The following ATP9A variants were observed in gnomAD, a reference collection of about 807,000 sequenced individuals.
The protein encoded by ATP9A is probable phospholipid-transporting ATPase IIA.
In ATP9A, 52 loss-of-function variants were observed where a neutral mutation model predicts 144.1. The observed-to-expected ratio is 0.36, with a 90% confidence interval of 0.29 to 0.45. The LOEUF (loss-of-function observed/expected upper bound fraction) is 0.45. ATP9A is among the 20% of genes least tolerant of loss of function. The pLI is 1.00. For missense variants in ATP9A, 947 were observed against 1,392.7 expected, an observed-to-expected ratio of 0.68 and a Z score of 5.09; for synonymous variants, 582 against 557.4, an observed-to-expected ratio of 1.04 and a Z score of -0.62.
intron 22 of ATP9A, among the ~76,000 whole-genome samples, chr20:51,616,807 T>A (rs2077204810): frequency 6.6e-6 from 1 of 152,106 alleles, no homozygotes; most frequent in South Asian, 2.1e-4. Flanking sequence ...TGGTGAGAAG[T>A]GAACTAAGCC....
intron 9 of ATP9A, 44 bp from the exon 10 acceptor site, chr20:51,676,252 A>C: frequency 6.9e-7 from 1 of 1,459,078 alleles, no homozygotes; most frequent in Non-Finnish European, 9.4e-7. Flanking sequence ...AGAAATATTA[A>C]TACAGACAGG....
rs753046160 is a variant in ATP9A, at chr20:51,596,758, T to C, written c.*4453A>G. On this transcript the variant is annotated 3_prime_UTR_variant, in exon 28 of 28. Coordinates refer to ENST00000338821, the MANE Select transcript of ATP9A (RefSeq NM_006045.3). The stretch of plus-strand genomic sequence containing the variant: ...CCAGAATTCATGTTTCTGTACAAAT[T>C]AAAATAATCCCCCAAGGCAGAACGT... The C allele has an allele frequency of 6.6e-6, 1 of 152,124 alleles. No homozygotes were observed. The highest frequency in any genetic ancestry group is 1.5e-5 in the Non-Finnish European group (1 of 68,022). 9.4% of individuals were successfully genotyped at this position (152,124 alleles called of 1,614,324 possible).
intron 13 of ATP9A, among the ~76,000 whole-genome samples, chr20:51,658,899 G>GGGGGGGGGGGT (rs2077399970): frequency 7.6e-6 from 1 of 132,116 alleles, no homozygotes; most frequent in African/African-American, 3.0e-5. Context: ...GGGGGGGGGG[G>GGGGGGGGGGGT]GGGGAAGGCT....
At chr20:51,737,365 A>G (rs909989196) in intron 1 of ATP9A, among the ~76,000 whole-genome samples, 3 of 152,190 alleles carry the variant, frequency 2.0e-5, no homozygotes, top group African/African-American at 7.2e-5. Context: ...CAGTGCCAAC[A>G]TCACCCTTGA....
At chr20:51,661,643 T>A (rs1336666805) in intron 13 of ATP9A, among the ~76,000 whole-genome samples, 6 of 151,120 alleles carry the variant, frequency 4.0e-5, no homozygotes, top group African/African-American at 1.5e-4. Context: ...AGTGCTGGGA[T>A]TATAGGTGTG....
At chr20:51,605,041 T>TA (rs1473711201) in intron 26 of ATP9A, 21 bp from the exon 27 acceptor site, 17 of 1,574,906 alleles carry the variant, frequency 1.1e-5, no homozygotes, top group Non-Finnish European at 1.5e-5. Flanking sequence ...CAGAGAAGGG[T>TA]ATTCCCCTCA....
chr20:51,693,268 C>T (rs2077556048), intron 7 of ATP9A, among the ~76,000 whole-genome samples: 2 of 152,194 alleles, frequency 1.3e-5, no homozygotes, highest in Admixed American at 6.5e-5. Context: ...AGCAAAAGCT[C>T]AGTGGAGTGC....
chr20:51,685,008 C>A, intron 9 of ATP9A, among the ~76,000 whole-genome samples: 1 of 116,866 alleles, frequency 8.6e-6, no homozygotes, highest in African/African-American at 3.4e-5. Flanking sequence ...GAGACTCCAT[C>A]TCCAAAAATA....
intron 1 of ATP9A, among the ~76,000 whole-genome samples, chr20:51,752,991 A>C (rs928000917): frequency 6.6e-6 from 1 of 152,130 alleles, no homozygotes; most frequent in Non-Finnish European, 1.5e-5. Context: ...AATCCCAGCT[A>C]CTTGGGAGGC....
At chr20:51,735,989 A>G (rs1053349812) in intron 1 of ATP9A, among the ~76,000 whole-genome samples, 6 of 152,198 alleles carry the variant, frequency 3.9e-5, no homozygotes, top group African/African-American at 1.4e-4. Flanking sequence ...TCCAAAGAAA[A>G]TAAGGCCAGG....
At chr20:51,748,429 T>C (rs1015409879) in intron 1 of ATP9A, among the ~76,000 whole-genome samples, 4 of 152,220 alleles carry the variant, frequency 2.6e-5, no homozygotes, top group Non-Finnish European at 5.9e-5. Context: ...GTCCAGTTCC[T>C]ACACAAGCCT....
chr20:51,761,950 G>T (rs550250638), intron 1 of ATP9A, among the ~76,000 whole-genome samples: 1 of 152,034 alleles, frequency 6.6e-6, no homozygotes, highest in African/African-American at 2.4e-5. Flanking sequence ...AGAGTCCCCC[G>T]CATTCCTTGG....
chr20:51,709,082 CTG>C (rs2077626565), intron 4 of ATP9A, among the ~76,000 whole-genome samples: 1 of 152,136 alleles, frequency 6.6e-6, no homozygotes, highest in Non-Finnish European at 1.5e-5. Flanking sequence ...TTGTACATAA[CTG>C]TGTTATATAA....
chr20:51,603,551 G>A (rs1208684231), intron 27 of ATP9A, among the ~76,000 whole-genome samples: 1 of 152,190 alleles, frequency 6.6e-6, no homozygotes, highest in African/African-American at 2.4e-5. Context: ...GCAGGGACTT[G>A]TGGCTCAATC....
intron 14 of ATP9A, among the ~76,000 whole-genome samples, chr20:51,642,178 G>A (rs1439403439): frequency 6.6e-6 from 1 of 151,662 alleles, no homozygotes; most frequent in Admixed American, 6.6e-5. Context: ...TTTTCGTGAT[G>A]GAGTCTCACT....
intron 1 of ATP9A, among the ~76,000 whole-genome samples, chr20:51,732,903 C>A (rs139724345): frequency 2.6e-5 from 4 of 151,858 alleles, no homozygotes; most frequent in Admixed American, 6.6e-5. Context: ...TTTGCAGAAA[C>A]CTTACTGGAT....
chr20:51,724,066 G>A (rs1286173527), intron 3 of ATP9A, among the ~76,000 whole-genome samples: 12 of 151,966 alleles, frequency 7.9e-5, no homozygotes, highest in Non-Finnish European at 1.8e-4. Context: ...AGCTACTCGG[G>A]AGGCTGAGGC....
intron 13 of ATP9A, among the ~76,000 whole-genome samples, chr20:51,668,147 GTAA>G (rs1479029567): frequency 9.7e-5 from 4 of 41,376 alleles, no homozygotes; most frequent in Admixed American, 6.1e-4. Flanking sequence ...GGGAGGGAGG[GTAA>G]GGAAAGGAAG....
rs538528653 is a variant in ATP9A, at chr20:51,748,001, T to C, written c.69-18023A>G. Among the ~76,000 whole-genome samples the C allele has an allele frequency of 7.9e-5, 12 of 152,278 alleles. No homozygotes were observed. The South Asian group carries it at 2.3e-3, about 29-fold the overall frequency. On this transcript the variant is annotated intron_variant, in intron 1 of 27. Transcript: ENST00000338821. ...GACATCCTCCTGCAAGCCTGTCCCT[T>C]TGTCTTCTATCTATCCTTCCAAACC...
Sources: gnomAD v4.1 joint callset for allele counts (sites outside exome capture counted in the v4.1 genomes callset) on GRCh38, gnomAD v4.1.1 for gene constraint, MANE v1.5 for transcripts, NCBI Gene and HGNC (gene_info 2026-07-23, HGNC 2026-07-21) for gene names.